The following FOXA1 variants were observed in gnomAD, a reference collection of about 807,000 sequenced individuals.
FOXA1 encodes the protein hepatocyte nuclear factor 3-alpha.
A neutral mutation model predicts 29.2 loss-of-function variants in FOXA1; 9 were observed. That is an observed-to-expected ratio of 0.31 (90% CI 0.19 to 0.54). The LOEUF (loss-of-function observed/expected upper bound fraction) is 0.54, where lower values mean the gene tolerates loss of function less well. FOXA1 is among the 20% of genes least tolerant of loss of function. The pLI is 0.95. For synonymous variants in FOXA1, 340 were observed against 300.9 expected (o/e 1.13, Z -1.34); for missense variants, 644 against 681.2 (o/e 0.95, Z 0.61).
intron 1 of FOXA1, 95 bp from the exon 2 acceptor site, chr14:37,592,806 G>A: frequency 2.0e-6 from 3 of 1,493,864 alleles, no homozygotes; most frequent in South Asian, 2.3e-5. Flanking sequence ...GGGGGCAAGT[G>A]CAGAGCACTT....
rs773144107 is a variant in FOXA1, at chr14:37,591,397, C to A, written c.1387G>T (p.Val463Leu). The A allele has an allele frequency of 6.2e-7, 1 of 1,614,028 alleles. No individual in the cohort carries two copies. Among genetic ancestry groups the A allele is most frequent in the Non-Finnish European group, 8.5e-7 (1 of 1,180,036 alleles). Residue 463 changes from valine (V) to leucine (L), a missense_variant, in exon 2 of 2, where the codon GTG (valine) becomes TTG (leucine). Physicochemically the swap from Val to Leu is conservative, Grantham distance 32. Around this residue, in one of 5 missense-constraint regions of FOXA1, gnomAD observed 295 missense variants for 294.4 expected, o/e 1.00. Coordinates refer to ENST00000250448, the MANE Select transcript of FOXA1 (RefSeq NM_004496.5). The stretch of plus-strand genomic sequence containing the variant: ...GTGTTTAGGACGGGTCTGGAATACA[C>A]ACCTTGGTAGTACGCCGGCTCCAGG... ...SALEPAYYQG[V>L]YSRPVLNTS
In FOXA1 at chr14:37,590,856, T is replaced by A. The variant is rs994048587; in HGVS notation, c.*509A>T. 3.8e-6 allele frequency: 1 copy of A among 266,252 alleles called. No homozygotes were observed. Among genetic ancestry groups the A allele is most frequent in the African/African-American group, 2.2e-5 (1 of 45,862 alleles). 16.5% of individuals were successfully genotyped at this position (266,252 alleles called of 1,614,324 possible). A position where few individuals can be genotyped will look rare whatever the true frequency, so the allele number is the denominator to read the frequency against. On this transcript the variant is annotated 3_prime_UTR_variant, in exon 2 of 2. Coordinates refer to ENST00000250448, the MANE Select transcript of FOXA1 (RefSeq NM_004496.5). ...ACAGCAGTATTGTCTTTCAATACTT[T>A]TAAGAGCCTCTAGTGTATACTTGTT...
At position 37,590,604 on chromosome 14, in the gene FOXA1, G is replaced by T. The variant is rs946276319; in HGVS notation, c.*761C>A. 8.8e-6 allele frequency: 2 copies of T among 226,810 alleles called. No homozygotes were observed. The highest frequency in any genetic ancestry group is 1.1e-4 in the Admixed American group (2 of 17,566). 14.0% of individuals were successfully genotyped at this position (226,810 alleles called of 1,614,324 possible). A position where few individuals can be genotyped will look rare whatever the true frequency, so the allele number is the denominator to read the frequency against. ...AGGGGTTGGGGTCCTTGTAACTTTC[G>T]GTCAAGCAACTCTTGAGAATGTATC... On this transcript the variant is annotated 3_prime_UTR_variant, in exon 2 of 2. Transcript: ENST00000250448.
chr14:37,594,828 A>G, intron 1 of FOXA1, 73 bp downstream of exon 1: 1 of 1,243,652 alleles, frequency 8.0e-7, no homozygotes. Context: ...CCTGGCGCCC[A>G]CCGCTCCCCG....
chr14:37,594,212 C>T (rs2095599387), intron 1 of FOXA1: 2 of 1,284,938 alleles, frequency 1.6e-6, no homozygotes, highest in African/African-American at 3.1e-5. Context: ...AGGTGGTAGT[C>T]CTCCCTGTAA....
At position 37,591,233 on chromosome 14, in the gene FOXA1, A is replaced by C. The variant is rs2095595121; in HGVS notation, c.*132T>G. 5.4e-6 allele frequency: 6 copies of C among 1,114,082 alleles called. No homozygotes were observed. The Admixed American group carries it at 1.2e-4, about 22-fold the overall frequency. 69.0% of individuals were successfully genotyped at this position (1,114,082 alleles called of 1,614,324 possible). On this transcript the variant is annotated 3_prime_UTR_variant, in exon 2 of 2. Coordinates refer to ENST00000250448, the MANE Select transcript of FOXA1 (RefSeq NM_004496.5). ...ACTGGGGGAAAGGTTGTGCATGAAA[A>C]ATGAAATAAAAATAGTTGTTGGGAT...
At chr14:37,592,736 A>C (rs370310366) in intron 1 of FOXA1, 25 bp from the exon 2 acceptor site, 1 of 1,606,770 alleles carries the variant, frequency 6.2e-7, no homozygotes, top group Non-Finnish European at 8.5e-7. Context: ...GCGAGTGAAG[A>C]AGCCCCGGAG....
In FOXA1 at chr14:37,591,353, C is replaced by G; in HGVS notation, c.*12G>C. 6.2e-7 allele frequency: 1 copy of G among 1,612,340 alleles called. No homozygotes were observed. The highest frequency in any genetic ancestry group is 8.5e-7 in the Non-Finnish European group (1 of 1,180,038). On this transcript the variant is annotated 3_prime_UTR_variant, in exon 2 of 2. Coordinates refer to ENST00000250448, the MANE Select transcript of FOXA1 (RefSeq NM_004496.5). Reference sequence around the variant, plus strand: ...GCATGGCTATGCCAGACAAACCCCCCAGTCCCGGGAGCTAGGAAGTGTTTA... The same window carrying G: ...GCATGGCTATGCCAGACAAACCCCCGAGTCCCGGGAGCTAGGAAGTGTTTA...
Position 37,592,404 on chromosome 14 carries a change from A to G in FOXA1, c.380T>C (p.Leu127Pro), listed in dbSNP as rs975102595. Reference protein sequence around the residue: ...GAQQAASMNGLGPYAAAMNPC... With the variant: ...GAQQAASMNGPGPYAAAMNPC... ...GTTCATGGCGGCCGCGTAGGGGCCC[A>G]GGCCATTCATGGAGGCCGCCTGCTG... The change falls in exon 2 of 2, where the codon CTG becomes CCG. Residue 127 changes from leucine to proline, a missense_variant. Physicochemically the swap from Leu to Pro is moderately conservative, Grantham distance 98. This residue lies in a region of FOXA1 where 309 missense variants were observed against 307.0 expected (regional missense o/e 1.01). Transcript: ENST00000250448. 4 of 1,601,100 alleles carry G rather than the reference A, an allele frequency of 2.5e-6. No individual in the cohort carries two copies. Among genetic ancestry groups the G allele is most frequent in the Non-Finnish European group, 3.4e-6 (4 of 1,176,812 alleles).
chr14:37,594,694 G>T, intron 1 of FOXA1: 1 of 252,608 alleles, frequency 4.0e-6, no homozygotes, highest in East Asian at 7.6e-5. Context: ...CCGGCTGCGA[G>T]AGTCGGGACA....
intron 1 of FOXA1, chr14:37,594,050 G>T: frequency 8.2e-7 from 1 of 1,219,922 alleles, no homozygotes; most frequent in Non-Finnish European, 1.0e-6. Context: ...ATATTTTTCT[G>T]TCCACGTCTT....
Position 37,591,096 on chromosome 14 carries a change from A to G in FOXA1, c.*269T>C. 1.9e-6 allele frequency: 1 copy of G among 527,316 alleles called. No individual in the cohort carries two copies. 32.7% of individuals were successfully genotyped at this position (527,316 alleles called of 1,614,324 possible). Reference sequence around the variant, plus strand: ...GGGCAAGGAAGGAGGAGAATTTCATATATACACTTGTGGATCATTAAACTT... The same window carrying G: ...GGGCAAGGAAGGAGGAGAATTTCATGTATACACTTGTGGATCATTAAACTT... On this transcript the variant is annotated 3_prime_UTR_variant, in exon 2 of 2. Coordinates refer to ENST00000250448, the MANE Select transcript of FOXA1 (RefSeq NM_004496.5).
chr14:37,592,759 G>A, intron 1 of FOXA1, 48 bp from the exon 2 acceptor site: 3 of 1,601,982 alleles, frequency 1.9e-6, no homozygotes, highest in Non-Finnish European at 2.5e-6. Context: ...CGGGGTTAGT[G>A]GTGGGCACTG....
rs748697331 is a variant in FOXA1 at position 37,592,178 on chromosome 14, G to T, written c.606C>A (p.Asp202Glu). ...GGTTCTGCCGGTAATAGGGGAAGAG[G>T]TCCATGATCCACTGGTAGATCTCGC... ...TLSEIYQWIM[D>E]LFPYYRQNQQ... The change falls in exon 2 of 2, where the codon GAC (aspartate) becomes GAA (glutamate). Residue 202 changes from aspartate to glutamate, a missense_variant. This residue lies in a region of FOXA1 where 309 missense variants were observed against 307.0 expected (regional missense o/e 1.01). Transcript: ENST00000250448. The T allele has an allele frequency of 5.6e-6, 9 of 1,613,730 alleles. No homozygotes were observed. In the African/African-American group the frequency reaches 9.3e-5, roughly 17 times the overall value.
chr14:37,594,145 T>C (rs1303848770), intron 1 of FOXA1: 2 of 1,288,604 alleles, frequency 1.6e-6, no homozygotes, highest in African/African-American at 3.0e-5. Context: ...TTTTCAATAA[T>C]GGTAATTAAA....
In FOXA1 at chr14:37,591,014, T is replaced by G; in HGVS notation, c.*351A>C. 3 of 408,920 alleles carry G rather than the reference T, an allele frequency of 7.3e-6. No individual in the cohort carries two copies. The East Asian group carries it at 1.3e-4, about 18-fold the overall frequency. The allele number at this position is 408,920 out of a possible 1,614,324, so 25.3% of individuals were successfully genotyped here. ...TGACCATCTTCCTTTTTTGTTTTTTTAAATAACCCTCCACAAACTAGAATG... is the reference window on the plus strand; with the variant it reads ...TGACCATCTTCCTTTTTTGTTTTTTGAAATAACCCTCCACAAACTAGAATG... On this transcript the variant is annotated 3_prime_UTR_variant, in exon 2 of 2. Coordinates refer to ENST00000250448, the MANE Select transcript of FOXA1 (RefSeq NM_004496.5).
At position 37,594,917 on chromosome 14, in the gene FOXA1, T is replaced by C. The variant is rs751532891; in HGVS notation, c.56A>G (p.Tyr19Cys). 4 of 1,577,556 alleles carry C rather than the reference T, an allele frequency of 2.5e-6. No individual in the cohort carries two copies. Among genetic ancestry groups the C allele is most frequent in the Non-Finnish European group, 1.7e-6 (2 of 1,156,848 alleles). Reference protein sequence around the residue: ...GHETSDWNSYYADTQEAYSSV... With the variant: ...GHETSDWNSYCADTQEAYSSV... ...GCCTCTCACCTCCTGCGTGTCTGCG[T>C]AGTAGCTGTTCCAGTCGCTGGTTTC... The change falls in exon 1 of 2, where the codon TAC becomes TGC. Residue 19 changes from tyrosine (Y) to cysteine (C), a missense_variant. Around this residue, in one of 5 missense-constraint regions of FOXA1, gnomAD observed 309 missense variants for 307.0 expected, o/e 1.01. Coordinates refer to ENST00000250448, the MANE Select transcript of FOXA1 (RefSeq NM_004496.5).
At position 37,592,254 on chromosome 14, in the gene FOXA1, G is replaced by A. The variant is rs1349901575; in HGVS notation, c.530C>T (p.Ser177Leu). 6 of 1,613,912 alleles carry A rather than the reference G, an allele frequency of 3.7e-6. No homozygotes were observed. The highest frequency in any genetic ancestry group is 5.1e-6 in the Non-Finnish European group (6 of 1,179,878). Residue 177 changes from serine to leucine, a missense_variant, in exon 2 of 2, where the codon TCG becomes TTG. Around this residue, in one of 5 missense-constraint regions of FOXA1, gnomAD observed 309 missense variants for 307.0 expected, o/e 1.01. Coordinates refer to ENST00000250448, the MANE Select transcript of FOXA1 (RefSeq NM_004496.5). ...CTGCTGGATGGCCATGGTGATGAGC[G>A]AGATGTACGAGTAGGGCGGCTTGGC... ...PHAKPPYSYI[S>L]LITMAIQQAP... is the part of the protein sequence containing the mutation.
rs202209403 is a variant in FOXA1 at position 37,592,033 on chromosome 14, C to T, written c.751G>A (p.Gly251Ser). The T allele has an allele frequency of 1.2e-6, 2 of 1,606,882 alleles. No homozygotes were observed. Among genetic ancestry groups the T allele is most frequent in the Non-Finnish European group, 1.7e-6 (2 of 1,176,466 alleles). Residue 251 changes from glycine (G) to serine (S), a missense_variant, in exon 2 of 2, where the codon GGC becomes AGC. By Grantham distance (56) the Gly-to-Ser change is moderately conservative. Coordinates refer to ENST00000250448, the MANE Select transcript of FOXA1 (RefSeq NM_004496.5). ...TAGCAGCCGTTCTCGAACATGTTGC[C>T]GGAGTCCGGGTGCAGCGTCCAGTAG... The part of the protein sequence containing the change: ...GSYWTLHPDS[G>S]NMFENGCYLR...
Sources: allele counts gnomAD v4.1 joint callset, GRCh38; gene constraint gnomAD v4.1.1; regional missense constraint gnomAD v4.1.1; transcripts MANE v1.5; gene names NCBI Gene and HGNC (gene_info 2026-07-23, HGNC 2026-07-21).